Variants in DPF3 observed in about 807,000 individuals in gnomAD.
DPF3 encodes double PHD fingers 3, also known as zinc finger protein DPF3.
A neutral mutation model predicts 56.8 loss-of-function variants in DPF3; 18 were observed. The observed-to-expected ratio is 0.32, with a 90% CI of 0.22 to 0.47. DPF3 has a LOEUF of 0.47. Among genes scored for constraint, DPF3 ranks in the 20% least tolerant of loss-of-function variants. The pLI is 1.00. For synonymous variants in DPF3, 188 were observed against 180.2 expected (o/e 1.04, Z -0.35); for missense variants, 403 against 488.8 (o/e 0.82, Z 1.65).
chr14:72,865,845 G>C (rs1446669693), intron 1 of DPF3, among the ~76,000 whole-genome samples: 2 of 152,158 alleles, frequency 1.3e-5, no homozygotes, highest in Non-Finnish European at 2.9e-5. Context: ...TCAGGAGTTT[G>C]AGACCAGCCT....
chr14:72,732,009 C>T (rs1889676169), intron 3 of DPF3, 75 bp from the exon 4 acceptor site: 8 of 1,527,462 alleles, frequency 5.2e-6, no homozygotes, highest in South Asian at 1.2e-5. Context: ...CTGGAGGACA[C>T]GCAGGGCCCA....
chr14:72,761,809 C>A (rs905204850), intron 2 of DPF3, among the ~76,000 whole-genome samples: 1 of 151,670 alleles, frequency 6.6e-6, no homozygotes. Flanking sequence ...ATTGATAAAC[C>A]TCTAGTCAGA....
chr14:72,872,624 A>G (rs1419611048), intron 1 of DPF3, among the ~76,000 whole-genome samples: 1 of 152,260 alleles, frequency 6.6e-6, no homozygotes, highest in Non-Finnish European at 1.5e-5. Flanking sequence ...GGCAATCCTA[A>G]GCCAAAAGAA....
intron 8 of DPF3, among the ~76,000 whole-genome samples, chr14:72,644,872 G>A (rs754348782): frequency 2.6e-5 from 4 of 152,208 alleles, no homozygotes; most frequent in Admixed American, 6.5e-5. Context: ...CCTCCTTTCA[G>A]GGATAGCTAA....
chr14:72,618,635 C>G lies in DPF3; in HGVS notation c.*662G>C, dbSNP rs1300266158. On this transcript the variant is annotated 3_prime_UTR_variant, in exon 11 of 11. Coordinates refer to ENST00000556509, the MANE Select transcript of DPF3 (RefSeq NM_001280542.3). ...CACAATGTTTCCTCCCATGTCTCTG[C>G]GCGTCTCCCTCCCTCCCCGCCCCCA... Among the ~76,000 whole-genome samples, 1 of 152,108 alleles carries G rather than the reference C, an allele frequency of 6.6e-6. No homozygotes were observed. The highest frequency in any genetic ancestry group is 1.5e-5 in the Non-Finnish European group (1 of 68,028).
chr14:72,704,881 C>T (rs1599371403), intron 6 of DPF3, among the ~76,000 whole-genome samples: 1 of 152,290 alleles, frequency 6.6e-6, no homozygotes, highest in East Asian at 1.9e-4. Context: ...TTCACTGCTG[C>T]TATCACCACC....
At chr14:72,829,434 G>A (rs947378589) in intron 1 of DPF3, among the ~76,000 whole-genome samples, 1 of 152,178 alleles carries the variant, frequency 6.6e-6, no homozygotes, top group African/African-American at 2.4e-5. Context: ...GCCCAGGCTG[G>A]AGTGCAGTGG....
chr14:72,708,954 C>G (rs570872894), intron 6 of DPF3, among the ~76,000 whole-genome samples: 1 of 152,364 alleles, frequency 6.6e-6, no homozygotes, highest in South Asian at 2.1e-4. Context: ...CATCCCCTCA[C>G]GGACAAAGGA....
chr14:72,779,461 A>G (rs911478889), intron 1 of DPF3, among the ~76,000 whole-genome samples: 4 of 152,054 alleles, frequency 2.6e-5, no homozygotes, highest in African/African-American at 9.7e-5. Flanking sequence ...ATGGCTCCCA[A>G]TGGTGCCCAG....
At chr14:72,856,420 TG>T (rs2140090902) in intron 1 of DPF3, among the ~76,000 whole-genome samples, 1 of 152,198 alleles carries the variant, frequency 6.6e-6, no homozygotes, top group South Asian at 2.1e-4. Context: ...TGAGAGGGGT[TG>T]GGTGAAAAAA....
intron 8 of DPF3, among the ~76,000 whole-genome samples, chr14:72,632,703 AGAAGGGAAG>A (rs1338356938): frequency 1.3e-3 from 148 of 113,500 alleles, no homozygotes; most frequent in African/African-American, 3.8e-3. Context: ...TGAAAGGGAC[AGAAGGGAAG>A]GAAGGGAAGG....
At chr14:72,722,435 T>A in intron 5 of DPF3, among the ~76,000 whole-genome samples, 1 of 152,178 alleles carries the variant, frequency 6.6e-6, no homozygotes, top group East Asian at 1.9e-4. Context: ...TCTAATATAG[T>A]ATAAAGCCCT....
intron 1 of DPF3, among the ~76,000 whole-genome samples, chr14:72,816,973 T>C (rs1883316072): frequency 6.6e-6 from 1 of 152,228 alleles, no homozygotes; most frequent in Non-Finnish European, 1.5e-5. Flanking sequence ...CAGTTTCTCT[T>C]GCCATCTGCC....
chr14:72,731,619 G>T, intron 4 of DPF3, 188 bp downstream of exon 4: 2 of 718,340 alleles, frequency 2.8e-6, no homozygotes, highest in Non-Finnish European at 4.5e-6. Flanking sequence ...AGGCAATAAT[G>T]ACTCCTTCGG....
intron 1 of DPF3, among the ~76,000 whole-genome samples, chr14:72,807,067 C>T: frequency 6.6e-6 from 1 of 152,146 alleles, no homozygotes; most frequent in Non-Finnish European, 1.5e-5. Flanking sequence ...GGTGAGTTTT[C>T]TCTCACCTTG....
At chr14:72,860,789 C>T (rs1399989804) in intron 1 of DPF3, among the ~76,000 whole-genome samples, 1 of 151,944 alleles carries the variant, frequency 6.6e-6, no homozygotes, top group African/African-American at 2.4e-5. Context: ...TGGTCTCGAA[C>T]TCCTAGCCTC....
chr14:72,620,967 C>A (rs1245043718), intron 9 of DPF3, among the ~76,000 whole-genome samples: 2 of 152,082 alleles, frequency 1.3e-5, no homozygotes, highest in Non-Finnish European at 2.9e-5. Flanking sequence ...ATGGTGAAAC[C>A]CCATCTCTAC....
chr14:72,739,206 C>T (rs1446172862), intron 3 of DPF3, among the ~76,000 whole-genome samples: 2 of 151,046 alleles, frequency 1.3e-5, no homozygotes, highest in African/African-American at 4.9e-5. Flanking sequence ...CATGCCACTG[C>T]GCTCCAGCCT....
At chr14:72,732,576 A>G (rs1007203041) in intron 3 of DPF3, among the ~76,000 whole-genome samples, 1 of 152,216 alleles carries the variant, frequency 6.6e-6, no homozygotes, top group Non-Finnish European at 1.5e-5. Flanking sequence ...AATGCCTCAC[A>G]AGCCCCGGAT....
Sources: gnomAD v4.1 joint callset for allele counts (sites outside exome capture counted in the v4.1 genomes callset) on GRCh38, gnomAD v4.1.1 for gene constraint, MANE v1.5 for transcripts, NCBI Gene and HGNC (gene_info 2026-07-23, HGNC 2026-07-21) for gene names.